PTK2: variants seen among roughly 807,000 people sequenced by gnomAD.
PTK2 encodes protein tyrosine kinase 2, also known as focal adhesion kinase 1.
PTK2 carries 45 observed loss-of-function variants against 150.1 expected under a neutral mutation model. The ratio of observed to expected loss-of-function variants is 0.30; its 90% CI spans 0.24 to 0.38. PTK2 has a LOEUF of 0.38. Among genes scored for constraint, PTK2 ranks in the 10% least tolerant of loss-of-function variants. The pLI is 1.00. For synonymous variants in PTK2, 432 were observed against 449.2 expected (o/e 0.96, Z 0.48); for missense variants, 919 against 1,307.3 (o/e 0.70, Z 4.58).
intron 29 of PTK2, chr8:140,668,651 A>G (rs2093817490): frequency 2.2e-6 from 1 of 449,164 alleles, no homozygotes; most frequent in Non-Finnish European, 3.9e-6. Context: ...AGTTAAAGGA[A>G]ATGAGATGGA....
chr8:140,752,653 C>T (rs1324377974), intron 16 of PTK2, among the ~76,000 whole-genome samples: 2 of 152,176 alleles, frequency 1.3e-5, no homozygotes, highest in African/African-American at 4.8e-5. Context: ...CACTTACACT[C>T]CAGTGAGGAA....
At chr8:140,811,495 A>G (rs1227960355) in intron 10 of PTK2, among the ~76,000 whole-genome samples, 1 of 152,188 alleles carries the variant, frequency 6.6e-6, no homozygotes, top group Non-Finnish European at 1.5e-5. Flanking sequence ...AACAACTCAA[A>G]AAGCCAGAGT....
chr8:140,747,738 T>G (rs374084349), intron 17 of PTK2, among the ~76,000 whole-genome samples: 240 of 20,160 alleles, frequency 0.012, no homozygotes, highest in Middle Eastern at 0.045. Context: ...AGGAAGGAAG[T>G]AGGAGGAGGG....
At chr8:140,961,170 T>C (rs1049300318) in intron 1 of PTK2, among the ~76,000 whole-genome samples, 5 of 152,206 alleles carry the variant, frequency 3.3e-5, no homozygotes, top group African/African-American at 1.2e-4. Flanking sequence ...TTACATTTAT[T>C]TCCCTCGAAG....
At chr8:140,708,875 T>C (rs189049278) in intron 23 of PTK2, among the ~76,000 whole-genome samples, 8 of 152,038 alleles carry the variant, frequency 5.3e-5, no homozygotes, top group Non-Finnish European at 8.8e-5. Context: ...TCAAATGCTC[T>C]TGGAGTCCAA....
chr8:140,838,438 T>G (rs2100120138), intron 7 of PTK2, among the ~76,000 whole-genome samples: 2 of 152,208 alleles, frequency 1.3e-5, no homozygotes, highest in Non-Finnish European at 2.9e-5. Flanking sequence ...AGGCCACTCC[T>G]AAAGCACTGG....
intron 1 of PTK2, among the ~76,000 whole-genome samples, chr8:140,950,425 C>T (rs969177112): frequency 6.6e-6 from 1 of 152,240 alleles, no homozygotes; most frequent in African/African-American, 2.4e-5. Flanking sequence ...TGCAGCCTTG[C>T]ACAGAACTGG....
intron 23 of PTK2, among the ~76,000 whole-genome samples, chr8:140,716,537 T>A (rs2100039818): frequency 6.6e-6 from 1 of 152,212 alleles, no homozygotes; most frequent in African/African-American, 2.4e-5. Flanking sequence ...GCACCCTCTG[T>A]CTCTAAACTT....
chr8:140,906,013 A>G (rs1233722619), intron 2 of PTK2, among the ~76,000 whole-genome samples: 4 of 152,130 alleles, frequency 2.6e-5, no homozygotes, highest in Non-Finnish European at 4.4e-5. Flanking sequence ...CTAAAAAAAA[A>G]AACCTCAAAA....
At chr8:140,821,785 A>G (rs1301571376) in intron 8 of PTK2, 2 of 152,242 alleles carry the variant, frequency 1.3e-5, no homozygotes, top group African/African-American at 4.8e-5. Context: ...GGAATAAGAG[A>G]ATTATAGCTG....
intron 3 of PTK2, among the ~76,000 whole-genome samples, chr8:140,884,845 C>T (rs2100151697): frequency 6.6e-6 from 1 of 152,142 alleles, no homozygotes; most frequent in Non-Finnish European, 1.5e-5. Context: ...TTAATCCAAC[C>T]CAACACACCT....
chr8:140,866,249 T>A (rs1022051386), intron 4 of PTK2, among the ~76,000 whole-genome samples: 2 of 151,746 alleles, frequency 1.3e-5, no homozygotes, highest in African/African-American at 4.8e-5. Context: ...GGACTCCCAT[T>A]TTATTTATTT....
intron 3 of PTK2, 87 bp from the exon 4 acceptor site, chr8:140,879,724 C>CAAA: frequency 2.5e-6 from 2 of 787,854 alleles, no homozygotes; most frequent in Non-Finnish European, 3.1e-6. Context: ...AAAAACAAAA[C>CAAA]AAAAAAAAAA....
At chr8:140,693,283 G>T (rs1237853358) in intron 26 of PTK2, among the ~76,000 whole-genome samples, 1 of 152,066 alleles carries the variant, frequency 6.6e-6, no homozygotes, top group Non-Finnish European at 1.5e-5. Flanking sequence ...GCCAGGCGTG[G>T]TGACTCACGC....
exon 22 of PTK2, chr8:140,735,322 G>C: frequency 1.2e-6 from 2 of 1,614,104 alleles, no homozygotes; most frequent in Middle Eastern, 1.6e-4. Context: ...TCGTCATAAG[G>C]CTGTAGAGGG....
chr8:140,737,252 G>A (rs956124205), intron 21 of PTK2, among the ~76,000 whole-genome samples: 35 of 152,070 alleles, frequency 2.3e-4, no homozygotes, highest in African/African-American at 4.1e-4. Flanking sequence ...ATCGGCATGC[G>A]CCACCCAAAC....
Position 140,817,045 on chromosome 8 carries a change from T to C in PTK2, c.867+1232A>G, listed in dbSNP as rs138041403. Among the ~76,000 whole-genome samples the C allele has an allele frequency of 4.5e-3, 680 of 152,258 alleles. 4 individuals carry two copies. Among genetic ancestry groups the C allele is most frequent in the African/African-American group, 0.016 (645 of 41,550 alleles). On this transcript the variant is annotated intron_variant, in intron 10 of 31. Transcript: ENST00000522684. Reference sequence around the variant, plus strand: ...GGGCAGAAATCTAAAAGCAAAGTAATTGCCCTTCACAGAATCCCATCTGGC... The same window carrying C: ...GGGCAGAAATCTAAAAGCAAAGTAACTGCCCTTCACAGAATCCCATCTGGC...
At chr8:140,905,123 G>A (rs1381954287) in intron 2 of PTK2, among the ~76,000 whole-genome samples, 1 of 152,002 alleles carries the variant, frequency 6.6e-6, no homozygotes, top group African/African-American at 2.4e-5. Context: ...TTTCTCTTAT[G>A]GACATTTAGT....
At chr8:140,908,816 G>A (rs1490287509) in intron 2 of PTK2, among the ~76,000 whole-genome samples, 1 of 152,152 alleles carries the variant, frequency 6.6e-6, no homozygotes, top group African/African-American at 2.4e-5. Context: ...CAGGATTCCA[G>A]AAGCCAAGGA....
Sources: gnomAD v4.1 joint callset for allele counts (sites outside exome capture counted in the v4.1 genomes callset) on GRCh38, gnomAD v4.1.1 for gene constraint, MANE v1.5 for transcripts, NCBI Gene and HGNC (gene_info 2026-07-23, HGNC 2026-07-21) for gene names.